CA12: variants seen among roughly 807,000 people sequenced by gnomAD.
The protein encoded by CA12 is carbonic anhydrase 12, also known as carbonate dehydratase XII.
In CA12, 36 loss-of-function variants were observed where a neutral mutation model predicts 46.8. The ratio of observed to expected loss-of-function variants is 0.77; its 90% CI spans 0.59 to 1.02. CA12 has a LOEUF of 1.02. Among genes scored for constraint, CA12 ranks in the 50% least tolerant of loss-of-function variants. The pLI is 0.00. For synonymous variants in CA12, 202 were observed against 187.0 expected (o/e 1.08, Z -0.65); for missense variants, 436 against 451.4 (o/e 0.97, Z 0.31).
Position 63,329,967 on chromosome 15 carries a change from C to A in CA12, c.875-1837G>T, listed in dbSNP as rs759115444. Among the ~76,000 whole-genome samples the A allele has an allele frequency of 6.6e-6, 1 of 152,226 alleles. No individual in the cohort carries two copies. The highest frequency in any genetic ancestry group is 2.4e-5 in the African/African-American group (1 of 41,458). ...GGTCCAAGGCTGGGCCCTGGGGGTTCCTGGTCTGGCTTCCCCAGGTGGCAC... is the reference window on the plus strand; with the variant it reads ...GGTCCAAGGCTGGGCCCTGGGGGTTACTGGTCTGGCTTCCCCAGGTGGCAC... On this transcript the variant is annotated intron_variant, in intron 8 of 10. Transcript: ENST00000178638. This position sits in a 1 kb window ranked among gnomAD's most constrained non-coding sequence, Gnocchi z 4.8.
intron 2 of CA12, among the ~76,000 whole-genome samples, chr15:63,368,513 A>G (rs2039463055): frequency 6.6e-6 from 1 of 152,076 alleles, no homozygotes; most frequent in South Asian, 2.1e-4. Flanking sequence ...CCACCTTCCC[A>G]CTCATGCTTT....
chr15:63,343,966 C>T (rs1311194858), intron 4 of CA12, among the ~76,000 whole-genome samples: 1 of 152,174 alleles, frequency 6.6e-6, no homozygotes, highest in East Asian at 1.9e-4. Context: ...CTGTGGGCCG[C>T]AAGGTCTTTA....
In CA12 at chr15:63,345,245, A is replaced by G. The variant is rs2039130603; in HGVS notation, c.429+232T>C. On this transcript the variant is annotated intron_variant, in intron 4 of 10. Coordinates refer to ENST00000178638, the MANE Select transcript of CA12 (RefSeq NM_001218.5). This position sits in a 1 kb window ranked among gnomAD's most constrained non-coding sequence, Gnocchi z 4.3. ...CCTCCCCAGCAGCATCACTCAGTAAAAGACACAGGGACAAACTTAGCATGT... is the reference window on the plus strand; with the variant it reads ...CCTCCCCAGCAGCATCACTCAGTAAGAGACACAGGGACAAACTTAGCATGT... Among the ~76,000 whole-genome samples, 1 of 152,212 alleles carries G rather than the reference A, an allele frequency of 6.6e-6. No individual in the cohort carries two copies. Among genetic ancestry groups the G allele is most frequent in the South Asian group, 2.1e-4 (1 of 4,824 alleles).
At chr15:63,334,176 C>T (rs150066848) in intron 8 of CA12, among the ~76,000 whole-genome samples, 1 of 151,346 alleles carries the variant, frequency 6.6e-6, no homozygotes, top group Non-Finnish European at 1.5e-5. Flanking sequence ...CCCAGGGGCC[C>T]ACCTTGAGGA....
chr15:63,355,508 G>A lies in CA12; in HGVS notation c.107-8799C>T, dbSNP rs34605381. On this transcript the variant is annotated intron_variant, in intron 2 of 10. Coordinates refer to ENST00000178638, the MANE Select transcript of CA12 (RefSeq NM_001218.5). The surrounding 1 kb of genome is among the most constrained non-coding windows in gnomAD (Gnocchi z 4.1). ...CTGGGGGTGGCGCCCAGCATCTGCC[G>A]TTGGACAAGGCTGCCAGGCGATGCT... Among the ~76,000 whole-genome samples, 36,724 of 152,172 alleles carry A rather than the reference G, an allele frequency of 0.24. 5,500 individuals carry two copies. The highest frequency in any genetic ancestry group is 0.6 in the East Asian group (3,087 of 5,170).
In CA12 at chr15:63,340,633, C is replaced by T. The variant is rs2039066113; in HGVS notation, c.589+87G>A. 2.1e-6 allele frequency: 3 copies of T among 1,443,182 alleles called. No individual in the cohort carries two copies. Among genetic ancestry groups the T allele is most frequent in the Non-Finnish European group, 2.0e-6 (2 of 1,024,748 alleles). 89.4% of individuals were successfully genotyped at this position (1,443,182 alleles called of 1,614,324 possible). On this transcript the variant is annotated intron_variant, in intron 6 of 10. Transcript: ENST00000178638. The surrounding 1 kb of genome is among the most constrained non-coding windows in gnomAD (Gnocchi z 4.4). ...CCTGGTGAACACAGACAGCACCTGC[C>T]CCTTGTGTTTGCTTTTCTTAAAGTC...
chr15:63,334,414 C>G (rs572486977), intron 8 of CA12, among the ~76,000 whole-genome samples: 82 of 151,498 alleles, frequency 5.4e-4, no homozygotes, highest in African/African-American at 1.9e-3. Flanking sequence ...CACCACCATG[C>G]CTGGCTGATT....
chr15:63,371,221 T>C (rs533506519), intron 2 of CA12, among the ~76,000 whole-genome samples: 69 of 151,830 alleles, frequency 4.5e-4, no homozygotes, highest in Admixed American at 3.4e-3. Context: ...CGGGTGGAGG[T>C]GTGGGCCTGG....
Position 63,352,074 on chromosome 15 carries a change from G to C in CA12, c.107-5365C>G, listed in dbSNP as rs574696652. ...GTTTTTTGTTTCTGTTTTTGTTTTT[G>C]AGACTGAGTCTTGCTCTGTCACCAA... On this transcript the variant is annotated intron_variant, in intron 2 of 10. Transcript: ENST00000178638. Among the ~76,000 whole-genome samples the C allele has an allele frequency of 2.6e-5, 4 of 152,254 alleles. No individual in the cohort carries two copies. In the South Asian group the frequency reaches 8.3e-4, roughly 32 times the overall value.
intron 2 of CA12, among the ~76,000 whole-genome samples, chr15:63,368,143 G>A (rs761211438): frequency 5.9e-5 from 9 of 152,176 alleles, no homozygotes; most frequent in African/African-American, 1.2e-4. Flanking sequence ...TCGTGGAATA[G>A]CTATCCTATT....
At chr15:63,356,527 C>CT (rs1567049716) in intron 2 of CA12, among the ~76,000 whole-genome samples, 2,114 of 144,692 alleles carry the variant, frequency 0.015, 45 homozygotes, top group African/African-American at 0.046. Flanking sequence ...ACCAGCAATT[C>CT]TTTTTTTTTT....
At chr15:63,380,079 G>C (rs1314721154) in intron 1 of CA12, among the ~76,000 whole-genome samples, 1 of 152,104 alleles carries the variant, frequency 6.6e-6, no homozygotes, top group African/African-American at 2.4e-5. Flanking sequence ...AGTGATTTTT[G>C]CTTTGACCTG....
At chr15:63,333,478 C>A (rs534181642) in intron 8 of CA12, among the ~76,000 whole-genome samples, 8 of 152,232 alleles carry the variant, frequency 5.3e-5, no homozygotes, top group Non-Finnish European at 1.2e-4. Context: ...TGGACCAATG[C>A]TCCTGACTGT....
At chr15:63,350,172 G>A (rs2039210353) in intron 2 of CA12, among the ~76,000 whole-genome samples, 1 of 152,198 alleles carries the variant, frequency 6.6e-6, no homozygotes, top group Non-Finnish European at 1.5e-5. Context: ...GACACTGTCA[G>A]AGCAGCCTCC....
intron 8 of CA12, among the ~76,000 whole-genome samples, chr15:63,333,854 A>G (rs181143094): frequency 6.6e-6 from 1 of 152,336 alleles, no homozygotes; most frequent in Admixed American, 6.5e-5. Flanking sequence ...GCTTAGAGCA[A>G]GCCCACTAAT....
chr15:63,333,503 A>G (rs1214191849), intron 8 of CA12, among the ~76,000 whole-genome samples: 1 of 152,252 alleles, frequency 6.6e-6, no homozygotes, highest in African/African-American at 2.4e-5. Context: ...CCTCTGACCC[A>G]GACCAGCGAC....
In CA12 at chr15:63,376,497, C is replaced by G. The variant is rs150369226; in HGVS notation, c.86-819G>C. ...ACTGGAAATAGTGTTCTGTGTCTTG[C>G]TTTTTCCCACTTTACATTTTCTCTC... is the stretch of plus-strand genomic sequence containing the variant. On this transcript the variant is annotated intron_variant, in intron 1 of 10. Transcript: ENST00000178638. 2.2e-3 allele frequency among the ~76,000 whole-genome samples: 329 copies of G among 152,194 alleles called. 1 individual carries two copies. The highest frequency in any genetic ancestry group is 7.8e-3 in the African/African-American group (322 of 41,528).
intron 2 of CA12, among the ~76,000 whole-genome samples, chr15:63,364,384 G>A (rs1159341206): frequency 7.4e-6 from 1 of 135,976 alleles, no homozygotes; most frequent in Admixed American, 8.1e-5. Context: ...ACTGCCACAA[G>A]GAGTCTCTTT....
rs1349705882 is a variant in CA12 at position 63,330,631 on chromosome 15, A to G, written c.875-2501T>C. 1.3e-5 allele frequency among the ~76,000 whole-genome samples: 2 copies of G among 152,150 alleles called. No homozygotes were observed. The highest frequency in any genetic ancestry group is 2.9e-5 in the Non-Finnish European group (2 of 68,024). On this transcript the variant is annotated intron_variant, in intron 8 of 10. Coordinates refer to ENST00000178638, the MANE Select transcript of CA12 (RefSeq NM_001218.5). The surrounding 1 kb of genome is among the most constrained non-coding windows in gnomAD (Gnocchi z 4.0). ...TCTGTGGCTGGTGGGGGTACCCTTCATGCCTGGTCTTGGGGAGCTGAGCAA... is the reference window on the plus strand; with the variant it reads ...TCTGTGGCTGGTGGGGGTACCCTTCGTGCCTGGTCTTGGGGAGCTGAGCAA...
Sources: gnomAD v4.1 joint callset for allele counts (sites outside exome capture counted in the v4.1 genomes callset) on GRCh38, gnomAD v4.1.1 for gene constraint, Gnocchi (gnomAD v3.1) non-coding constraint, MANE v1.5 for transcripts, NCBI Gene and HGNC (gene_info 2026-07-23, HGNC 2026-07-21) for gene names.